The following GNL3L variants were observed in gnomAD, a reference collection of about 807,000 sequenced individuals.
GNL3L encodes guanine nucleotide-binding protein-like 3-like protein.
Under a neutral mutation model 42.9 loss-of-function variants are expected in GNL3L, and 4 were observed. The observed-to-expected ratio is 0.09, with a 90% CI of 0.05 to 0.21. The LOEUF (loss-of-function observed/expected upper bound fraction) is 0.21, where lower values mean the gene tolerates loss of function less well. GNL3L is among the 10% of genes least tolerant of loss of function. The pLI is 1.00. For synonymous variants in GNL3L, 159 were observed against 176.3 expected, an observed-to-expected ratio of 0.90 and a Z score of 0.78; for missense variants, 412 against 481.7, an observed-to-expected ratio of 0.86 and a Z score of 1.36.
intron 16 of GNL3L, among the ~76,000 whole-genome samples, chrX:54,573,113 G>A (rs1489432599): frequency 8.9e-6 from 1 of 111,873 alleles, no homozygotes. Context: ...GGGTGGCCAG[G>A]CAGAGACGCT....
chrX:54,530,493 G>T (rs981494093), intron 1 of GNL3L, 74 bp downstream of exon 1: 1 of 111,561 alleles, frequency 9.0e-6, no homozygotes, highest in African/African-American at 3.3e-5. Context: ...GTGGAGACGC[G>T]CCGAATTGCC....
intron 7 of GNL3L, 31 bp downstream of exon 7, chrX:54,543,373 G>C (rs763360669): frequency 1.7e-6 from 2 of 1,200,451 alleles, no homozygotes; most frequent in Non-Finnish European, 2.3e-6. Flanking sequence ...GGTGTGACAG[G>C]GAAGGTGGGC....
intron 13 of GNL3L, among the ~76,000 whole-genome samples, chrX:54,553,928 G>A (rs1299177588): frequency 9.0e-6 from 1 of 111,383 alleles, no homozygotes; most frequent in East Asian, 2.8e-4. Flanking sequence ...TGGATGTGAG[G>A]GCAAGAGGTG....
chrX:54,626,160 G>T (rs1375474544), downstream of GNL3L, among the ~76,000 whole-genome samples: 1 of 111,303 alleles, frequency 9.0e-6, no homozygotes, highest in Non-Finnish European at 1.9e-5. Context: ...TTTCGTATCT[G>T]TTAACCAAAC....
chrX:54,621,531 G>A (rs1233876296), downstream of GNL3L, among the ~76,000 whole-genome samples: 2 of 112,240 alleles, frequency 1.8e-5, no homozygotes, highest in Non-Finnish European at 3.8e-5. Flanking sequence ...CTCAAAAATT[G>A]TGAGAAAAAT....
At chrX:54,547,954 A>G (rs1238993115) in intron 8 of GNL3L, among the ~76,000 whole-genome samples, 1 of 111,686 alleles carries the variant, frequency 9.0e-6, no homozygotes, top group African/African-American at 3.3e-5. Context: ...CTGGAGCTCA[A>G]ACCTGGCCTA....
At chrX:54,546,311 T>A (rs939141175) in intron 8 of GNL3L, among the ~76,000 whole-genome samples, 3 of 112,204 alleles carry the variant, frequency 2.7e-5, no homozygotes, top group African/African-American at 9.7e-5. Context: ...TTTTCGAGGC[T>A]GAATACAATT....
At chrX:54,607,130 T>A (rs1346377612) in intron 16 of GNL3L, among the ~76,000 whole-genome samples, 3 of 87,882 alleles carry the variant, frequency 3.4e-5, no homozygotes, top group Non-Finnish European at 6.3e-5. Flanking sequence ...TCTTTCTTTC[T>A]TTCTTTCTTT....
chrX:54,611,079 T>C (rs1926157048), intron 16 of GNL3L, among the ~76,000 whole-genome samples: 1 of 110,835 alleles, frequency 9.0e-6, no homozygotes, highest in African/African-American at 3.3e-5. Context: ...GCTAGGAGGG[T>C]TGTATTTTTC....
At chrX:54,606,380 A>G (rs1318708412) in intron 16 of GNL3L, among the ~76,000 whole-genome samples, 3 of 111,627 alleles carry the variant, frequency 2.7e-5, no homozygotes, top group Non-Finnish European at 5.6e-5. Context: ...AACTTCAAGA[A>G]CAGGTAAAAC....
chrX:54,552,192 T>C (rs1284120641), intron 12 of GNL3L, 100 bp from the exon 13 acceptor site: 1 of 929,424 alleles, frequency 1.1e-6, no homozygotes, highest in African/African-American at 1.9e-5. Context: ...TGGGTTTTCT[T>C]GTTCCGTTGC....
At chrX:54,585,480 T>C (rs1009493237) in intron 16 of GNL3L, among the ~76,000 whole-genome samples, 39 of 111,636 alleles carry the variant, frequency 3.5e-4, no homozygotes, top group African/African-American at 1.1e-3. Context: ...TATAATCCAG[T>C]CATTAGGTTT....
chrX:54,605,388 C>T (rs914417968), intron 16 of GNL3L, among the ~76,000 whole-genome samples: 2 of 111,197 alleles, frequency 1.8e-5, no homozygotes, highest in Non-Finnish European at 3.8e-5. Context: ...TTCTCCAGTC[C>T]GAAGTCTGCT....
intron 16 of GNL3L, among the ~76,000 whole-genome samples, chrX:54,606,045 T>A (rs953239342): frequency 8.9e-6 from 1 of 111,867 alleles, no homozygotes; most frequent in African/African-American, 3.3e-5. Context: ...GAAAACAAAT[T>A]TTCTAAATCA....
At chrX:54,615,773 C>T (rs1227646221) in intron 16 of GNL3L, among the ~76,000 whole-genome samples, 1 of 106,742 alleles carries the variant, frequency 9.4e-6, no homozygotes, top group Non-Finnish European at 1.9e-5. Context: ...GGCGTGATCT[C>T]AGCTCACTGC....
intron 3 of GNL3L, among the ~76,000 whole-genome samples, chrX:54,539,515 G>A (rs942152138): frequency 9.0e-6 from 1 of 110,615 alleles, no homozygotes; most frequent in African/African-American, 3.3e-5. Context: ...GTAAGGCTTG[G>A]GAAAGAGCAA....
intron 16 of GNL3L, among the ~76,000 whole-genome samples, chrX:54,612,734 T>C (rs1286682704): frequency 2.7e-5 from 3 of 111,582 alleles, no homozygotes; most frequent in Admixed American, 1.9e-4. Context: ...ATTGTTTTGT[T>C]TGAGGAGGCT....
At chrX:54,622,273 ATTTTT>A (rs773487259), downstream of GNL3L, among the ~76,000 whole-genome samples, 2 of 59,016 alleles carry the variant, frequency 3.4e-5, no homozygotes, top group Non-Finnish European at 2.8e-5. Flanking sequence ...AGTTGCAGGA[ATTTTT>A]TTTTTTTTTT....
chrX:54,619,162 G>GTA (rs200289859), intron 16 of GNL3L, among the ~76,000 whole-genome samples: 1,216 of 110,014 alleles, frequency 0.011, 8 homozygotes, highest in African/African-American at 0.018. Context: ...AAATACACAA[G>GTA]TATATATATA....
Sources: allele counts gnomAD v4.1 joint callset (sites outside exome capture counted in the v4.1 genomes callset), GRCh38; gene constraint gnomAD v4.1.1; transcripts MANE v1.5; gene names NCBI Gene and HGNC (gene_info 2026-07-23, HGNC 2026-07-21).